SYTL5: variants seen among roughly 807,000 people sequenced by gnomAD.
The protein encoded by SYTL5 is synaptotagmin like 5.
In SYTL5, 34 loss-of-function variants were observed where a neutral mutation model predicts 55.9. The observed-to-expected ratio is 0.61, with a 90% CI of 0.46 to 0.81. The LOEUF (loss-of-function observed/expected upper bound fraction) is 0.81. Ranked by LOEUF, SYTL5 falls within the 30% of genes least tolerant of loss-of-function variation. The probability of loss-of-function intolerance (pLI) is 0.00; values close to 1 mark genes in which losing one functional copy is unlikely to be tolerated. For synonymous variants in SYTL5, 221 were observed against 188.7 expected (o/e 1.17, Z -1.40); for missense variants, 637 against 546.7 (o/e 1.17, Z -1.65).
chrX:37,911,030 A>ATCTCAGC, the SYTL5 span, among the ~76,000 whole-genome samples: 1 of 97,551 alleles, frequency 1.0e-5, no homozygotes, highest in African/African-American at 4.1e-5. Context: ...CAGCGGCGCC[A>ATCTCAGC]TCTCAGCTCA....
chrX:38,074,775 G>C (rs1316583923), intron 5 of SYTL5, among the ~76,000 whole-genome samples: 1 of 111,424 alleles, frequency 9.0e-6, no homozygotes, highest in East Asian at 2.8e-4. Context: ...AGATAGCCTA[G>C]AGTATCCTGT....
chrX:38,030,962 G>A (rs1257152780), intron 1 of SYTL5, among the ~76,000 whole-genome samples: 1 of 111,903 alleles, frequency 8.9e-6, no homozygotes, highest in Admixed American at 9.5e-5. Context: ...AAGATGAGAG[G>A]GAAACTTTAT....
chrX:37,911,091 G>A, the SYTL5 span, among the ~76,000 whole-genome samples: 3 of 105,468 alleles, frequency 2.8e-5, no homozygotes, highest in Non-Finnish European at 5.8e-5. Context: ...TCAGCCTTCC[G>A]AGTAGCTGGG....
the SYTL5 span, among the ~76,000 whole-genome samples, chrX:37,899,924 A>G: frequency 9.1e-6 from 1 of 109,578 alleles, no homozygotes; most frequent in African/African-American, 3.5e-5. Context: ...TAAAAAAAAC[A>G]AGCAACACTT....
chrX:38,054,818 C>A (rs146791638), intron 3 of SYTL5, among the ~76,000 whole-genome samples: 4 of 110,242 alleles, frequency 3.6e-5, no homozygotes, highest in Non-Finnish European at 7.6e-5. Flanking sequence ...AAGCCTCGAC[C>A]TCCTGGGCTC....
chrX:38,031,511 G>A (rs1934951911), intron 1 of SYTL5, among the ~76,000 whole-genome samples: 1 of 111,766 alleles, frequency 8.9e-6, no homozygotes, highest in Non-Finnish European at 1.9e-5. Context: ...ATAAGCTTCA[G>A]GTCAAGCATT....
intron 2 of SYTL5, among the ~76,000 whole-genome samples, chrX:38,041,907 G>A (rs1445451050): frequency 9.0e-6 from 1 of 111,126 alleles, no homozygotes; most frequent in Non-Finnish European, 1.9e-5. Context: ...TATATAATTT[G>A]TAAAGATCAA....
At chrX:37,958,083 C>T in the SYTL5 span, among the ~76,000 whole-genome samples, 9 of 110,264 alleles carry the variant, frequency 8.2e-5, no homozygotes, top group Non-Finnish European at 1.3e-4. Context: ...GTAGTGGGCA[C>T]CTGTAATCCC....
intron 13 of SYTL5, among the ~76,000 whole-genome samples, chrX:38,117,482 C>T (rs1355101465): frequency 8.9e-6 from 1 of 112,036 alleles, no homozygotes; most frequent in African/African-American, 3.2e-5. Flanking sequence ...AGATCTCACT[C>T]AAAAAGCAAA....
At chrX:37,962,733 C>A in the SYTL5 span, among the ~76,000 whole-genome samples, 1 of 111,961 alleles carries the variant, frequency 8.9e-6, no homozygotes, top group Non-Finnish European at 1.9e-5. Flanking sequence ...TCTCCAGCAC[C>A]TGTTGTTTCC....
the SYTL5 span, among the ~76,000 whole-genome samples, chrX:37,978,041 T>TTCACTAGTG: frequency 9.0e-6 from 1 of 111,687 alleles, no homozygotes; most frequent in Non-Finnish European, 1.9e-5. Context: ...GTCTCTTTAT[T>TTCACTAGTG]TCACTAGTGC....
chrX:37,967,111 G>T, the SYTL5 span, among the ~76,000 whole-genome samples: 3 of 111,654 alleles, frequency 2.7e-5, no homozygotes, highest in African/African-American at 9.8e-5. Flanking sequence ...GAGTGCAGTG[G>T]TGCGAACTCG....
At chrX:37,945,669 A>T in the SYTL5 span, among the ~76,000 whole-genome samples, 1 of 111,963 alleles carries the variant, frequency 8.9e-6, no homozygotes, top group Non-Finnish European at 1.9e-5. Context: ...CTTAATCTTA[A>T]CAGTAAACAA....
At chrX:37,973,108 C>T in the SYTL5 span, among the ~76,000 whole-genome samples, 1 of 110,863 alleles carries the variant, frequency 9.0e-6, no homozygotes, top group East Asian at 2.8e-4. Context: ...ATAGACTTTG[C>T]AGGGGAATTT....
intron 1 of SYTL5, among the ~76,000 whole-genome samples, chrX:38,016,305 T>G (rs1276984879): frequency 8.9e-6 from 1 of 111,915 alleles, no homozygotes; most frequent in East Asian, 2.8e-4. Context: ...AGAAAAAGTT[T>G]GCCAACCTCT....
intron 8 of SYTL5, 138 bp from the exon 9 acceptor site, chrX:38,095,996 G>A (rs1008700032): frequency 2.7e-5 from 10 of 364,859 alleles, no homozygotes; most frequent in African/African-American, 1.8e-4. Context: ...TACTGACTCC[G>A]ACTGTTGCTT....
chrX:37,981,592 C>A, the SYTL5 span, among the ~76,000 whole-genome samples: 1 of 111,505 alleles, frequency 9.0e-6, no homozygotes, highest in African/African-American at 3.3e-5. Flanking sequence ...CCACCGCGCC[C>A]GGCCTGAGAG....
upstream of SYTL5, among the ~76,000 whole-genome samples, chrX:38,002,846 T>G (rs1450204822): frequency 1.8e-5 from 2 of 112,155 alleles, no homozygotes; most frequent in Non-Finnish European, 3.8e-5. Flanking sequence ...AGTTTTCTTT[T>G]GCTGTGCAGA....
At chrX:38,100,939 C>T (rs778622334) in intron 9 of SYTL5, among the ~76,000 whole-genome samples, 16 of 110,361 alleles carry the variant, frequency 1.4e-4, no homozygotes, top group Admixed American at 1.2e-3. Context: ...GAAAATAACC[C>T]AAATATTCAG....
Sources: gnomAD v4.1 joint callset for allele counts (sites outside exome capture counted in the v4.1 genomes callset) on GRCh38, gnomAD v4.1.1 for gene constraint, MANE v1.5 for transcripts, NCBI Gene and HGNC (gene_info 2026-07-23, HGNC 2026-07-21) for gene names.